The following EXOC4 variants were observed in gnomAD, a reference collection of about 807,000 sequenced individuals.
EXOC4 encodes the protein exocyst complex component 4, also known as SEC8-like 1.
A neutral mutation model predicts 107.2 loss-of-function variants in EXOC4; 71 were observed. The observed-to-expected ratio is 0.66, with a 90% CI of 0.55 to 0.81. The LOEUF (loss-of-function observed/expected upper bound fraction) is 0.81, where lower values mean the gene tolerates loss of function less well. Ranked by LOEUF, EXOC4 falls within the 30% of genes least tolerant of loss-of-function variation. The pLI is 0.00. For synonymous variants in EXOC4, 456 were observed against 441.2 expected (o/e 1.03, Z -0.42); for missense variants, 1,108 against 1,189.6 (o/e 0.93, Z 1.01).
chr7:133,766,893 A>T (rs533230696), intron 10 of EXOC4, among the ~76,000 whole-genome samples: 66 of 152,054 alleles, frequency 4.3e-4, no homozygotes, highest in South Asian at 1.7e-3. Context: ...CTCCCAGTGG[A>T]GTTGAGTCTT....
chr7:134,067,638 T>TACACACAC (rs60853968), downstream of EXOC4, among the ~76,000 whole-genome samples: 3 of 132,062 alleles, frequency 2.3e-5, no homozygotes, highest in South Asian at 2.6e-4. Flanking sequence ...TATATATATA[T>TACACACAC]ACACACACAC....
At chr7:133,361,425 T>C (rs1685574) in intron 6 of EXOC4, among the ~76,000 whole-genome samples, 150,950 of 152,220 alleles carry the variant, frequency 0.99, 74,853 homozygotes, top group Non-Finnish European at 1. Context: ...GGACTACAGG[T>C]GCCTGCCACC....
At chr7:133,636,959 A>G (rs1031282379) in intron 10 of EXOC4, among the ~76,000 whole-genome samples, 1 of 152,194 alleles carries the variant, frequency 6.6e-6, no homozygotes, top group African/African-American at 2.4e-5. Flanking sequence ...TATAGAGAAT[A>G]ATTTCTAAAA....
At chr7:133,748,863 A>G (rs1795731429) in intron 10 of EXOC4, among the ~76,000 whole-genome samples, 1 of 152,224 alleles carries the variant, frequency 6.6e-6, no homozygotes, top group African/African-American at 2.4e-5. Context: ...TTATTTGCAC[A>G]GTCTAGCATA....
intron 17 of EXOC4, among the ~76,000 whole-genome samples, chr7:134,038,996 A>G (rs1795454828): frequency 6.6e-6 from 1 of 152,106 alleles, no homozygotes; most frequent in African/African-American, 2.4e-5. Flanking sequence ...ACTTCTGGAG[A>G]TCCTGAGGTT....
intron 9 of EXOC4, among the ~76,000 whole-genome samples, chr7:133,532,241 T>C (rs1489398584): frequency 1.3e-5 from 2 of 152,106 alleles, no homozygotes; most frequent in East Asian, 1.9e-4. Flanking sequence ...ACTTTTTCTT[T>C]CTTCATTACC....
chr7:134,055,287 T>C (rs1049733412), intron 17 of EXOC4, among the ~76,000 whole-genome samples: 1 of 152,164 alleles, frequency 6.6e-6, no homozygotes, highest in Non-Finnish European at 1.5e-5. Flanking sequence ...GATGGCTGAA[T>C]AGCAGTCCTT....
the EXOC4 span, among the ~76,000 whole-genome samples, chr7:134,074,033 A>G: frequency 2.0e-5 from 3 of 152,228 alleles, no homozygotes; most frequent in African/African-American, 4.8e-5. Flanking sequence ...CACCACAGGC[A>G]TCCCTCACAG....
intron 9 of EXOC4, among the ~76,000 whole-genome samples, chr7:133,489,597 T>G (rs1799333649): frequency 6.6e-6 from 1 of 152,180 alleles, no homozygotes; most frequent in Non-Finnish European, 1.5e-5. Flanking sequence ...ATCCTCCATC[T>G]GGGATGTCAG....
At chr7:133,489,497 C>T (rs1194574455) in intron 9 of EXOC4, among the ~76,000 whole-genome samples, 1 of 152,088 alleles carries the variant, frequency 6.6e-6, no homozygotes, top group Non-Finnish European at 1.5e-5. Flanking sequence ...TGTGAACTAC[C>T]CCTGAACGAG....
At chr7:133,768,665 C>T (rs1308435786) in intron 10 of EXOC4, among the ~76,000 whole-genome samples, 4 of 151,962 alleles carry the variant, frequency 2.6e-5, no homozygotes, top group African/African-American at 9.7e-5. Flanking sequence ...TTATTAGCCA[C>T]ACTTTAATGA....
chr7:134,055,168 C>G (rs1169068208), intron 17 of EXOC4, among the ~76,000 whole-genome samples: 1 of 152,168 alleles, frequency 6.6e-6, no homozygotes, highest in Non-Finnish European at 1.5e-5. Flanking sequence ...AAGAAGTAGT[C>G]TTGTGTCTCA....
intron 14 of EXOC4, among the ~76,000 whole-genome samples, chr7:133,966,782 T>G (rs979974231): frequency 6.6e-6 from 1 of 152,146 alleles, no homozygotes; most frequent in Non-Finnish European, 1.5e-5. Flanking sequence ...TGCCCTGAAA[T>G]TTTGTTGTTG....
In EXOC4 at chr7:133,275,105, G is replaced by A. The variant is rs370337004; in HGVS notation, c.210G>A (p.Thr70=). 1.9e-6 allele frequency: 3 copies of A among 1,613,494 alleles called. No homozygotes were observed. The highest frequency in any genetic ancestry group is 1.3e-5 in the African/African-American group (1 of 74,880). ...TTGTACAGCACTACACAGAATTGACGACAGCCATTCGCACATACCAGAGCA... is the reference window on the plus strand; with the variant it reads ...TTGTACAGCACTACACAGAATTGACAACAGCCATTCGCACATACCAGAGCA... ...ELIVQHYTEL[T]TAIRTYQSIT... is the part of the protein sequence containing the mutation. The change falls in exon 2 of 18, where the codon ACG becomes ACA. Residue 70 remains threonine (T), a synonymous_variant. Coordinates refer to ENST00000253861, the MANE Select transcript of EXOC4 (RefSeq NM_021807.4).
At chr7:133,363,627 A>C (rs965924672) in intron 6 of EXOC4, among the ~76,000 whole-genome samples, 1 of 151,716 alleles carries the variant, frequency 6.6e-6, no homozygotes, top group South Asian at 2.1e-4. Flanking sequence ...AAAAAAAAAA[A>C]AACCTACTCT....
At chr7:133,542,527 G>A (rs767183784) in intron 9 of EXOC4, among the ~76,000 whole-genome samples, 1 of 152,096 alleles carries the variant, frequency 6.6e-6, no homozygotes, top group Non-Finnish European at 1.5e-5. Flanking sequence ...GAAAGTTAGG[G>A]TAATATTTTT....
chr7:133,425,896 C>G (rs1037687095), intron 7 of EXOC4, among the ~76,000 whole-genome samples: 12 of 152,154 alleles, frequency 7.9e-5, no homozygotes, highest in Admixed American at 6.5e-4. Flanking sequence ...CTGGAAGACC[C>G]TGCTTTGAGG....
intron 10 of EXOC4, among the ~76,000 whole-genome samples, chr7:133,789,585 A>T (rs954077798): frequency 1.3e-5 from 2 of 152,168 alleles, no homozygotes; most frequent in African/African-American, 4.8e-5. Flanking sequence ...CCCGTTGCTG[A>T]TCCTAGGTAT....
intron 11 of EXOC4, among the ~76,000 whole-genome samples, chr7:133,884,307 T>G (rs1339643455): frequency 6.6e-6 from 1 of 151,984 alleles, no homozygotes; most frequent in Non-Finnish European, 1.5e-5. Context: ...ATCATGCAGT[T>G]TATAGAGCAT....
Sources: allele counts gnomAD v4.1 joint callset (sites outside exome capture counted in the v4.1 genomes callset), GRCh38; gene constraint gnomAD v4.1.1; transcripts MANE v1.5; gene names NCBI Gene and HGNC (gene_info 2026-07-23, HGNC 2026-07-21).